The following TRIP4 variants were observed in gnomAD, a reference collection of about 807,000 sequenced individuals.
The protein encoded by TRIP4 is thyroid hormone receptor interactor 4.
A neutral mutation model predicts 81.8 loss-of-function variants in TRIP4; 54 were observed. The ratio of observed to expected loss-of-function variants is 0.66; its 90% CI spans 0.53 to 0.83. The LOEUF is 0.83. Among genes scored for constraint, TRIP4 ranks in the 40% least tolerant of loss-of-function variants. TRIP4 has a pLI of 0.00. For missense variants in TRIP4, 662 were observed against 683.6 expected (o/e 0.97, Z 0.35); for synonymous variants, 270 against 242.8 (o/e 1.11, Z -1.04).
At chr15:64,406,535 T>C in intron 6 of TRIP4, 76 bp downstream of exon 6, 1 of 1,532,298 alleles carries the variant, frequency 6.5e-7, no homozygotes, top group Non-Finnish European at 8.8e-7. Flanking sequence ...TGGTACTTGA[T>C]ACCTTCTCAA....
At chr15:64,448,262 ATT>A (rs1390257739) in intron 12 of TRIP4, among the ~76,000 whole-genome samples, 1 of 152,026 alleles carries the variant, frequency 6.6e-6, no homozygotes, top group Admixed American at 6.6e-5. Flanking sequence ...GAGTTTAGCT[ATT>A]TCTCTGAAAT....
intron 12 of TRIP4, among the ~76,000 whole-genome samples, chr15:64,446,873 G>C (rs963211620): frequency 2.6e-5 from 4 of 151,724 alleles, no homozygotes; most frequent in African/African-American, 9.7e-5. Context: ...GGGAGGCCGA[G>C]GCAAGTGGAT....
intron 8 of TRIP4, among the ~76,000 whole-genome samples, chr15:64,417,731 A>G (rs1596347514): frequency 6.6e-6 from 1 of 152,150 alleles, no homozygotes. Flanking sequence ...AGAATATTTC[A>G]TGCATCCAGT....
At chr15:64,424,196 GAGA>G in intron 10 of TRIP4, 41 bp downstream of exon 10, 1 of 1,610,824 alleles carries the variant, frequency 6.2e-7, no homozygotes. Context: ...ACTTTATGGA[GAGA>G]AGTCATTGAC....
At chr15:64,427,398 T>C (rs892623054) in intron 11 of TRIP4, among the ~76,000 whole-genome samples, 5 of 152,188 alleles carry the variant, frequency 3.3e-5, no homozygotes, top group Non-Finnish European at 5.9e-5. Flanking sequence ...TTTATTTTTT[T>C]TGGAAACTGG....
intron 5 of TRIP4, among the ~76,000 whole-genome samples, chr15:64,403,367 G>A (rs547111563): frequency 7.3e-5 from 11 of 151,700 alleles, no homozygotes; most frequent in African/African-American, 2.7e-4. Flanking sequence ...ATGTTGGTTG[G>A]CCATGGTGGT....
At chr15:64,432,066 T>C (rs1258507491) in intron 11 of TRIP4, among the ~76,000 whole-genome samples, 1 of 150,598 alleles carries the variant, frequency 6.6e-6, no homozygotes, top group Admixed American at 6.6e-5. Flanking sequence ...TTTGTATTTT[T>C]AGTAGAGACA....
At position 64,424,091 on chromosome 15, in the gene TRIP4, T is replaced by C; in HGVS notation, c.1419T>C (p.Ala473=). Reference sequence around the variant, plus strand: ...GACGACTTTGGATAGCAGCCACAGCTAAAAAACCCTCCCCTCAAGAAGTCT... The same window carrying C: ...GACGACTTTGGATAGCAGCCACAGCCAAAAAACCCTCCCCTCAAGAAGTCT... ...HRGRLWIAAT[A]KKPSPQEVSE... is the part of the protein sequence containing the mutation. The change falls in exon 10 of 13, where the codon GCT becomes GCC. Residue 473 remains alanine (A), a synonymous_variant. Transcript: ENST00000261884. 1 of 1,614,092 alleles carries C rather than the reference T, an allele frequency of 6.2e-7. No homozygotes were observed. Among genetic ancestry groups the C allele is most frequent in the Non-Finnish European group, 8.5e-7 (1 of 1,180,020 alleles).
At chr15:64,415,253 T>C (rs1891868418) in intron 8 of TRIP4, among the ~76,000 whole-genome samples, 1 of 152,092 alleles carries the variant, frequency 6.6e-6, no homozygotes, top group African/African-American at 2.4e-5. Context: ...AGAGGGAATT[T>C]CCAGGCAGAA....
intron 12 of TRIP4, among the ~76,000 whole-genome samples, chr15:64,452,955 G>A (rs1480626032): frequency 6.6e-6 from 1 of 152,034 alleles, no homozygotes; most frequent in African/African-American, 2.4e-5. Context: ...CTGAGGTGGG[G>A]TGGGGGATTG....
intron 1 of TRIP4, among the ~76,000 whole-genome samples, chr15:64,389,500 G>A (rs1596332108): frequency 6.6e-6 from 1 of 151,834 alleles, no homozygotes; most frequent in African/African-American, 2.4e-5. Context: ...CAAGATAAAG[G>A]ATTTTTTTTA....
In TRIP4 at chr15:64,387,869, G is replaced by A. The variant is rs947630820; in HGVS notation, c.6G>A (p.Ala2=). The A allele has an allele frequency of 1.0e-5, 16 of 1,545,986 alleles. No homozygotes were observed. The highest frequency in any genetic ancestry group is 1.3e-5 in the Non-Finnish European group (15 of 1,146,624). Reference sequence around the variant, plus strand: ...GCTGGTTCCGGCTGGGGAAGATGGCGGTGGCTGGGGCGGTGTCCGGGGAGC... The same window carrying A: ...GCTGGTTCCGGCTGGGGAAGATGGCAGTGGCTGGGGCGGTGTCCGGGGAGC... M[A]VAGAVSGEPL... Residue 2 remains alanine (A), a synonymous_variant, in exon 1 of 13, where the codon GCG becomes GCA. Coordinates refer to ENST00000261884, the MANE Select transcript of TRIP4 (RefSeq NM_016213.5).
Position 64,393,989 on chromosome 15 carries a change from G to T in TRIP4, c.145G>T (p.Val49Phe). Residue 49 changes from valine to phenylalanine, a missense_variant, in exon 2 of 13, where the codon GTT (valine) becomes TTT (phenylalanine). By Grantham distance (50) the Val-to-Phe change is conservative. Transcript: ENST00000261884. ...IESAEEIREY[V>F]TDLLQGNEGK... Reference sequence around the variant, plus strand: ...GAGTGCTGAAGAGATACGAGAATATGTTACTGATCTCCTCCAGGGAAATGA... The same window carrying T: ...GAGTGCTGAAGAGATACGAGAATATTTTACTGATCTCCTCCAGGGAAATGA... The T allele has an allele frequency of 6.2e-7, 1 of 1,608,594 alleles. No individual in the cohort carries two copies. The highest frequency in any genetic ancestry group is 8.5e-7 in the Non-Finnish European group (1 of 1,177,720).
At chr15:64,395,912 CTTTTT>C (rs3057763) in intron 3 of TRIP4, among the ~76,000 whole-genome samples, 1 of 143,822 alleles carries the variant, frequency 7.0e-6, no homozygotes, top group Non-Finnish European at 1.5e-5. Context: ...AGCTAATTTT[CTTTTT>C]TTTTTTTTTG....
chr15:64,431,057 C>A (rs1892259893), intron 11 of TRIP4, among the ~76,000 whole-genome samples: 1 of 152,008 alleles, frequency 6.6e-6, no homozygotes, highest in African/African-American at 2.4e-5. Context: ...TTGTGGAAAT[C>A]ATCAGCTTCT....
rs11853175 is a variant in TRIP4 at position 64,426,965 on chromosome 15, G to A, written c.1575+1334G>A. 8.6e-3 allele frequency among the ~76,000 whole-genome samples: 1,281 copies of A among 148,892 alleles called. 15 individuals carry two copies. The highest frequency in any genetic ancestry group is 0.03 in the African/African-American group (1,208 of 40,516). ...CAGTAAGCCGAGATCATGCCACTGC[G>A]CTCCAGCCTGGGCAACAGAGCAAGG... On this transcript the variant is annotated intron_variant, in intron 11 of 12. Coordinates refer to ENST00000261884, the MANE Select transcript of TRIP4 (RefSeq NM_016213.5).
At chr15:64,410,037 T>C (rs1891726983) in intron 7 of TRIP4, among the ~76,000 whole-genome samples, 10 of 150,242 alleles carry the variant, frequency 6.7e-5, no homozygotes, top group Admixed American at 6.6e-4. Flanking sequence ...TTTTTTTTTT[T>C]TTTTTTGAGA....
chr15:64,433,801 A>G (rs1892330086), intron 11 of TRIP4, among the ~76,000 whole-genome samples: 1 of 152,156 alleles, frequency 6.6e-6, no homozygotes, highest in African/African-American at 2.4e-5. Flanking sequence ...GAGTGTGAGT[A>G]TAGAGCAAGC....
At chr15:64,431,849 T>TATATATA (rs1566981702) in intron 11 of TRIP4, among the ~76,000 whole-genome samples, 10 of 81,442 alleles carry the variant, frequency 1.2e-4, no homozygotes, top group African/African-American at 3.6e-4. Context: ...ATATATATAT[T>TATATATA]TTTTTTATCC....
Sources: allele counts gnomAD v4.1 joint callset (sites outside exome capture counted in the v4.1 genomes callset), GRCh38; gene constraint gnomAD v4.1.1; transcripts MANE v1.5; gene names NCBI Gene and HGNC (gene_info 2026-07-23, HGNC 2026-07-21).